The following MILR1 variants were observed in gnomAD, a reference collection of about 807,000 sequenced individuals.
MILR1 encodes allergin-1.
In MILR1, 31 loss-of-function variants were observed where a neutral mutation model predicts 18.5. The ratio of observed to expected loss-of-function variants is 1.68; its 90% CI spans 1.26 to 2.26. The LOEUF (loss-of-function observed/expected upper bound fraction) is 2.26, where lower values mean the gene tolerates loss of function less well. MILR1 is among the 30% of genes most tolerant of loss of function. MILR1 has a pLI of 0.00. For missense variants in MILR1, 257 were observed against 157.4 expected (o/e 1.63, Z -3.38); for synonymous variants, 85 against 56.2 (o/e 1.51, Z -2.30).
chr17:64,481,170 C>G, the MILR1 span: 4 of 564,950 alleles, frequency 7.1e-6, no homozygotes, highest in Non-Finnish European at 9.0e-6. Flanking sequence ...TCTCTCCAGA[C>G]ATTACTAAAT....
the MILR1 span, chr17:64,485,533 G>A: frequency 1.7e-5 from 10 of 600,900 alleles, no homozygotes; most frequent in South Asian, 1.8e-4. Context: ...ACTTATTAGG[G>A]ATGCCTTGTT....
chr17:64,484,569 C>T, the MILR1 span, among the ~76,000 whole-genome samples: 5 of 152,070 alleles, frequency 3.3e-5, no homozygotes, highest in South Asian at 2.1e-4. Context: ...GGAGGAGTGG[C>T]GGTGGCTTAT....
intron 3 of MILR1, among the ~76,000 whole-genome samples, chr17:64,453,609 A>G (rs928174129): frequency 9.6e-6 from 1 of 103,994 alleles, no homozygotes; most frequent in Non-Finnish European, 1.8e-5. Context: ...CGCCTTTCCC[A>G]CCGCTTCCTT....
chr17:64,483,538 T>C, the MILR1 span, among the ~76,000 whole-genome samples: 2,114 of 150,790 alleles, frequency 0.014, 39 homozygotes, highest in African/African-American at 0.049. Flanking sequence ...ACAAATTAAC[T>C]TGAGACCCTC....
At chr17:64,494,631 A>C in the MILR1 span, among the ~76,000 whole-genome samples, 2 of 151,554 alleles carry the variant, frequency 1.3e-5, no homozygotes, top group African/African-American at 2.4e-5. Flanking sequence ...AATACTATTG[A>C]CTCTTAGATT....
At chr17:64,493,136 G>T in the MILR1 span, 1 of 1,190,186 alleles carries the variant, frequency 8.4e-7, no homozygotes, top group Non-Finnish European at 1.2e-6. Context: ...GACAGATGTT[G>T]GCTAAGCTTG....
chr17:64,467,024 CTCTT>C (rs137981021), intron 8 of MILR1, among the ~76,000 whole-genome samples: 27,491 of 144,944 alleles, frequency 0.19, 3,222 homozygotes, highest in South Asian at 0.37. Flanking sequence ...TTCTTTCTTT[CTCTT>C]TCTTTCTTTC....
At chr17:64,455,785 T>C (rs1309853065) in intron 3 of MILR1, among the ~76,000 whole-genome samples, 1 of 151,352 alleles carries the variant, frequency 6.6e-6, no homozygotes, top group Non-Finnish European at 1.5e-5. Flanking sequence ...ACGCCTGTAA[T>C]CCCAGCACTT....
the MILR1 span, chr17:64,477,961 T>C: frequency 6.2e-7 from 1 of 1,613,900 alleles, no homozygotes; most frequent in South Asian, 1.1e-5. Context: ...TAACCAAAAC[T>C]GTGAAGAGAA....
chr17:64,479,183 G>GT, the MILR1 span, among the ~76,000 whole-genome samples: 9,834 of 126,876 alleles, frequency 0.078, 646 homozygotes, highest in African/African-American at 0.16. Context: ...TCTGAAAGGT[G>GT]TTTTTTTTTT....
intron 3 of MILR1, among the ~76,000 whole-genome samples, chr17:64,453,484 G>A (rs1440482308): frequency 2.0e-5 from 3 of 150,742 alleles, no homozygotes; most frequent in Non-Finnish European, 4.4e-5. Context: ...TAATTGTGGA[G>A]GTCTTTTCTA....
chr17:64,467,581 T>C lies in MILR1; in HGVS notation c.996T>C (p.Tyr332=), dbSNP rs781942036. The stretch of plus-strand genomic sequence containing the variant: ...ATATTTCAGAAGCCTGTGATTCTTA[T>C]AAATCTGGATATGTCTATTCTGAAC... ...APREQEACDS[Y]KSGYVYSELN... The change falls in exon 9 of 10, where the codon TAT becomes TAC. Residue 332 remains tyrosine, a synonymous_variant. Coordinates refer to ENST00000619286, the MANE Select transcript of MILR1 (RefSeq NM_001085423.2). The C allele has an allele frequency of 1.9e-6, 3 of 1,546,668 alleles. No individual in the cohort carries two copies. Among genetic ancestry groups the C allele is most frequent in the African/African-American group, 2.7e-5 (2 of 73,646 alleles).
chr17:64,471,206 G>A (rs952731967), downstream of MILR1, among the ~76,000 whole-genome samples: 14 of 152,040 alleles, frequency 9.2e-5, no homozygotes, highest in African/African-American at 2.9e-4. Context: ...GGCCCAATGC[G>A]CCATGGGAAA....
intron 2 of MILR1, 58 bp downstream of exon 2, chr17:64,449,413 T>C: frequency 2.3e-6 from 1 of 427,984 alleles, no homozygotes; most frequent in Non-Finnish European, 4.3e-6. Flanking sequence ...GGTGAGACAG[T>C]CTGATTGCAA....
intron 9 of MILR1, chr17:64,467,855 A>G (rs1039060064): frequency 1.2e-4 from 44 of 354,922 alleles, no homozygotes; most frequent in South Asian, 8.3e-4. Context: ...GAATCACTTG[A>G]GCCCGGGAGG....
the MILR1 span, among the ~76,000 whole-genome samples, chr17:64,493,261 T>C: frequency 6.6e-6 from 1 of 151,936 alleles, no homozygotes; most frequent in Non-Finnish European, 1.5e-5. Flanking sequence ...TCTAAAAATA[T>C]ACAAAAATAA....
At chr17:64,493,480 T>A in the MILR1 span, among the ~76,000 whole-genome samples, 10 of 152,096 alleles carry the variant, frequency 6.6e-5, no homozygotes, top group African/African-American at 2.4e-4. Context: ...GAGTTTTTAG[T>A]TTGAAGATTT....
chr17:64,467,518 T>G lies in MILR1; in HGVS notation c.980-47T>G, dbSNP rs2037600634. The G allele has an allele frequency of 3.7e-5, 44 of 1,205,156 alleles. 1 individual carries two copies. Among genetic ancestry groups the G allele is most frequent in the Non-Finnish European group, 5.2e-5 (44 of 844,914 alleles). The allele number at this position is 1,205,156 out of a possible 1,614,324, so 74.7% of individuals were successfully genotyped here. ...GAAATAGGATTTTTAAAAACAGCCT[T>G]GCTGGTCACATATCCTAAGTAAATT... On this transcript the variant is annotated intron_variant, in intron 8 of 9. Transcript: ENST00000619286.
chr17:64,457,121 C>A (rs908599075), intron 3 of MILR1, among the ~76,000 whole-genome samples: 118 of 152,250 alleles, frequency 7.8e-4, no homozygotes, highest in Middle Eastern at 3.4e-3. Context: ...CTAGGAAGGG[C>A]AAGCTTGCAC....
Sources: gnomAD v4.1 joint callset for allele counts (sites outside exome capture counted in the v4.1 genomes callset) on GRCh38, gnomAD v4.1.1 for gene constraint, MANE v1.5 for transcripts, NCBI Gene and HGNC (gene_info 2026-07-23, HGNC 2026-07-21) for gene names.